Variants in PFKFB4 observed in about 807,000 individuals in gnomAD.
PFKFB4 encodes the protein 6-phosphofructo-2-kinase/fructose-2,6-biphosphatase 4.
Under a neutral mutation model 62.8 loss-of-function variants are expected in PFKFB4, and 42 were observed. The observed-to-expected ratio is 0.67, with a 90% CI of 0.52 to 0.86. The LOEUF (loss-of-function observed/expected upper bound fraction) is 0.86. Among genes scored for constraint, PFKFB4 ranks in the 40% least tolerant of loss-of-function variants. PFKFB4 has a pLI of 0.00. For synonymous variants in PFKFB4, 204 were observed against 240.7 expected (o/e 0.85, Z 1.41); for missense variants, 475 against 627.2 (o/e 0.76, Z 2.59).
intron 5 of PFKFB4, 154 bp from the exon 6 acceptor site, chr3:48,539,464 G>C (rs9849280): frequency 4.0e-6 from 3 of 748,336 alleles, no homozygotes; most frequent in East Asian, 5.3e-5. Context: ...CTGGAGGCGG[G>C]GTCAAGGAGT....
rs755172377 is a variant in PFKFB4 at position 48,549,896 on chromosome 3, G to A, written c.279C>T (p.Leu93=). The A allele has an allele frequency of 1.9e-6, 3 of 1,612,928 alleles. No homozygotes were observed. The African/African-American group carries it at 4.0e-5, about 22-fold the overall frequency. The change falls in exon 3 of 14, where the codon CTC becomes CTT. Residue 93 remains leucine, a synonymous_variant. Coordinates refer to ENST00000232375, the MANE Select transcript of PFKFB4 (RefSeq NM_004567.4). Reference sequence around the variant, plus strand: ...TTTTCAGGCCCTCTTCATTGTCGGGGAGAAAAAATTCAAAAGATTTGTAGG... The same window carrying A: ...TTTTCAGGCCCTCTTCATTGTCGGGAAGAAAAAATTCAAAAGATTTGTAGG... ...VKTYKSFEFF[L]PDNEEGLKIR...
upstream of PFKFB4, chr3:48,562,849 G>T: frequency 6.3e-7 from 1 of 1,587,356 alleles, no homozygotes; most frequent in Non-Finnish European, 8.6e-7. The surrounding 1 kb of genome is among the most constrained non-coding windows in gnomAD (Gnocchi z 4.3). Flanking sequence ...TGGCAGCCCT[G>T]GCCCGGGCTT....
At chr3:48,548,883 G>A (rs1369237289) in intron 3 of PFKFB4, among the ~76,000 whole-genome samples, 1 of 152,214 alleles carries the variant, frequency 6.6e-6, no homozygotes, top group Non-Finnish European at 1.5e-5. Flanking sequence ...TCTCCAGTCT[G>A]AAGGTCCAAG....
chr3:48,527,283 GT>G (rs1181191209), intron 9 of PFKFB4, among the ~76,000 whole-genome samples: 3,138 of 135,588 alleles, frequency 0.023, 63 homozygotes, highest in African/African-American at 0.069. Context: ...ACATTTAGTG[GT>G]TTTTTTTTTT....
chr3:48,540,776 A>ATT (rs34769393), intron 4 of PFKFB4, among the ~76,000 whole-genome samples: 7 of 136,634 alleles, frequency 5.1e-5, no homozygotes, highest in African/African-American at 8.1e-5. Flanking sequence ...TACCTGGCTA[A>ATT]TTTTTTTTTT....
chr3:48,562,837 C>T, upstream of PFKFB4: 1 of 1,580,770 alleles, frequency 6.3e-7, no homozygotes, highest in Middle Eastern at 1.7e-4. The surrounding 1 kb of genome is among the most constrained non-coding windows in gnomAD (Gnocchi z 4.3). Context: ...TGGCCTGCTC[C>T]CTGGCAGCCC....
upstream of PFKFB4, chr3:48,559,419 C>A: frequency 2.3e-6 from 1 of 425,970 alleles, no homozygotes; most frequent in Non-Finnish European, 4.8e-6. Context: ...CAAAGCGAGT[C>A]CACAGTGCAG....
chr3:48,522,566 G>A (rs922656047), intron 12 of PFKFB4, among the ~76,000 whole-genome samples: 5 of 152,172 alleles, frequency 3.3e-5, no homozygotes, highest in Non-Finnish European at 7.3e-5. Context: ...GTTGCCTGAA[G>A]TCTCTGCTGG....
chr3:48,540,269 A>G (rs2042758678), intron 4 of PFKFB4, among the ~76,000 whole-genome samples: 1 of 152,256 alleles, frequency 6.6e-6, no homozygotes, highest in Non-Finnish European at 1.5e-5. Context: ...TCTGTCAGAG[A>G]GATCCACGGT....
At position 48,549,845 on chromosome 3, in the gene PFKFB4, A is replaced by T. The variant is rs370637850; in HGVS notation, c.311+19T>A. 4.5e-5 allele frequency: 67 copies of T among 1,489,484 alleles called. No individual in the cohort carries two copies. Among genetic ancestry groups the T allele is most frequent in the Non-Finnish European group, 5.4e-5 (58 of 1,066,646 alleles). 92.3% of individuals were successfully genotyped at this position (1,489,484 alleles called of 1,614,324 possible). A position where few individuals can be genotyped will look rare whatever the true frequency, so the allele number is the denominator to read the frequency against. On this transcript the variant is annotated intron_variant, in intron 3 of 13. Transcript: ENST00000232375. ...GTCCCCCAGCAACCTCTCCCCCCAC[A>T]CCCAACACATATACTTACTTCCTGA...
intron 1 of PFKFB4, among the ~76,000 whole-genome samples, chr3:48,554,739 G>A (rs1253243303): frequency 6.6e-6 from 1 of 152,158 alleles, no homozygotes; most frequent in African/African-American, 2.4e-5. Flanking sequence ...TCCGCTTATT[G>A]AGGACCTACT....
At position 48,523,685 on chromosome 3, in the gene PFKFB4, G is replaced by A. The variant is rs1296793197; in HGVS notation, c.1222+16C>T. On this transcript the variant is annotated intron_variant, in intron 11 of 13. Coordinates refer to ENST00000232375, the MANE Select transcript of PFKFB4 (RefSeq NM_004567.4). ...CTCACACAACCTTCCCACCTCCCCC[G>A]GGGCACAGCCCACACCTGCTGCCTT... is the stretch of plus-strand genomic sequence containing the variant. The A allele has an allele frequency of 9.9e-6, 16 of 1,614,078 alleles. No homozygotes were observed. Among genetic ancestry groups the A allele is most frequent in the Admixed American group, 3.3e-5 (2 of 60,022 alleles).
At chr3:48,539,226 T>A (rs761900462) in intron 6 of PFKFB4, 28 bp downstream of exon 6, 1 of 1,575,890 alleles carries the variant, frequency 6.3e-7, no homozygotes, top group South Asian at 1.1e-5. Context: ...ACACACGACC[T>A]TCTGACAAGG....
At chr3:48,544,678 T>C (rs1457886527) in intron 3 of PFKFB4, among the ~76,000 whole-genome samples, 2 of 151,986 alleles carry the variant, frequency 1.3e-5, no homozygotes, top group Non-Finnish European at 2.9e-5. Flanking sequence ...TCTTTTTAAG[T>C]TCTCAGCTTT....
At chr3:48,539,219 C>T (rs542809605) in intron 6 of PFKFB4, 35 bp downstream of exon 6, 3 of 1,552,322 alleles carry the variant, frequency 1.9e-6, no homozygotes, top group Non-Finnish European at 2.7e-6. Flanking sequence ...CCCTGTCACA[C>T]ACGACCTTCT....
chr3:48,549,528 T>TA (rs5848854), intron 3 of PFKFB4, among the ~76,000 whole-genome samples: 17,996 of 152,148 alleles, frequency 0.12, 1,354 homozygotes, highest in South Asian at 0.24. Flanking sequence ...GAGCCCCTCT[T>TA]ACCTCCCTGA....
Position 48,550,132 on chromosome 3 carries a change from C to T in PFKFB4, c.200G>A (p.Gly67Asp). 2 of 1,613,042 alleles carry T rather than the reference C, an allele frequency of 1.2e-6. No individual in the cohort carries two copies. The highest frequency in any genetic ancestry group is 1.7e-6 in the Non-Finnish European group (2 of 1,178,934). The change falls in exon 2 of 14, where the codon GGT (glycine) becomes GAT (aspartate). Residue 67 changes from glycine to aspartate, a missense_variant. Transcript: ENST00000232375. ...KKLTRYLNWI[G>D]VPTREFNVGQ... is the part of the protein sequence containing the mutation. ...CCAAGCCTCACCCCGAGTGGGCACA[C>T]CAATCCAGTTCAGGTATCGAGTCAG...
chr3:48,559,362 CA>C (rs2043396608), upstream of PFKFB4: 1 of 373,882 alleles, frequency 2.7e-6, no homozygotes, highest in Admixed American at 3.0e-5. Context: ...CCCTGTTTGT[CA>C]GGTGGGAAAC....
At chr3:48,533,672 T>C (rs1305119617) in intron 9 of PFKFB4, among the ~76,000 whole-genome samples, 2 of 152,164 alleles carry the variant, frequency 1.3e-5, no homozygotes, top group Non-Finnish European at 1.5e-5. Flanking sequence ...CTGGCCAACG[T>C]GGTGAAACCC....
Sources: gnomAD v4.1 joint callset for allele counts (sites outside exome capture counted in the v4.1 genomes callset) on GRCh38, gnomAD v4.1.1 for gene constraint, Gnocchi (gnomAD v3.1) non-coding constraint, MANE v1.5 for transcripts, NCBI Gene and HGNC (gene_info 2026-07-23, HGNC 2026-07-21) for gene names.